The following CEP112 variants were observed in gnomAD, a reference collection of about 807,000 sequenced individuals.
CEP112 encodes the protein centrosomal protein 112.
In CEP112, 127 loss-of-function variants were observed where a neutral mutation model predicts 153.0. The observed-to-expected ratio is 0.83, with a 90% confidence interval of 0.72 to 0.96. The LOEUF (loss-of-function observed/expected upper bound fraction) is 0.96, where lower values mean the gene tolerates loss of function less well. Among genes scored for constraint, CEP112 ranks in the 40% least tolerant of loss-of-function variants. The pLI is 0.00. For missense variants in CEP112, 1,089 were observed against 1,101.2 expected (o/e 0.99, Z 0.16); for synonymous variants, 358 against 374.4 (o/e 0.96, Z 0.51).
chr17:65,663,626 A>T (rs2046517699), intron 24 of CEP112, among the ~76,000 whole-genome samples: 1 of 152,214 alleles, frequency 6.6e-6, no homozygotes, highest in South Asian at 2.1e-4. Context: ...AACCCAGCAC[A>T]GAACTAGACA....
intron 12 of CEP112, among the ~76,000 whole-genome samples, chr17:66,053,451 C>T (rs2066531038): frequency 6.6e-6 from 1 of 151,690 alleles, no homozygotes; most frequent in African/African-American, 2.4e-5. Flanking sequence ...CATGCCGTTG[C>T]ACTCCAGCCT....
Position 66,009,189 on chromosome 17 carries a change from T to TTGTGTGTGTGTG in CEP112, c.1657-3432_1657-3421dup, listed in dbSNP as rs34971943. Reference sequence around the variant, plus strand: ...ATCCTGGCCTACACTTGTTATCCCTTTGTGTGTGTGTGTGTGTGTGTGTGT... The same window carrying TTGTGTGTGTGTG: ...ATCCTGGCCTACACTTGTTATCCCTTTGTGTGTGTGTGTGTGTGTGTGTGTGTGTGTGTGTGT... On this transcript the variant is annotated intron_variant, in intron 16 of 26. Coordinates refer to ENST00000535342, the MANE Select transcript of CEP112 (RefSeq NM_001199165.4). 3.9e-3 allele frequency among the ~76,000 whole-genome samples: 575 copies of TTGTGTGTGTGTG among 146,932 alleles called. 4 individuals carry two copies. The highest frequency in any genetic ancestry group is 0.014 in the African/African-American group (540 of 39,258).
chr17:65,976,072 C>T (rs992149287), intron 17 of CEP112, among the ~76,000 whole-genome samples: 2 of 152,352 alleles, frequency 1.3e-5, no homozygotes, highest in Middle Eastern at 3.4e-3. Flanking sequence ...TCTTCACACA[C>T]ACTAATCACC....
At chr17:65,777,410 G>A (rs925117267) in intron 21 of CEP112, among the ~76,000 whole-genome samples, 1 of 152,136 alleles carries the variant, frequency 6.6e-6, no homozygotes, top group Non-Finnish European at 1.5e-5. Context: ...CATATTTCCT[G>A]ACCTTCTGTT....
intron 17 of CEP112, among the ~76,000 whole-genome samples, chr17:65,969,624 A>C (rs1303346582): frequency 6.6e-6 from 1 of 152,236 alleles, no homozygotes; most frequent in African/African-American, 2.4e-5. Flanking sequence ...TGCCGCATGC[A>C]CTGCACACAT....
intron 16 of CEP112, among the ~76,000 whole-genome samples, chr17:66,017,353 T>C (rs1450176448): frequency 6.6e-6 from 1 of 152,176 alleles, no homozygotes; most frequent in Non-Finnish European, 1.5e-5. Context: ...AATGAAATTA[T>C]CTGGGTGGGA....
intron 6 of CEP112, among the ~76,000 whole-genome samples, chr17:66,110,142 G>A (rs1230211188): frequency 6.6e-6 from 1 of 151,616 alleles, no homozygotes; most frequent in South Asian, 2.1e-4. Flanking sequence ...CCTGGGTGAC[G>A]AGCAAGACTC....
chr17:65,637,982 G>C (rs1033099515), intron 25 of CEP112, among the ~76,000 whole-genome samples: 3 of 152,188 alleles, frequency 2.0e-5, no homozygotes, highest in Admixed American at 2.0e-4. Flanking sequence ...GGCCAACTTT[G>C]GTTCAATTCC....
chr17:66,146,090 T>G (rs1708529184), intron 4 of CEP112, among the ~76,000 whole-genome samples: 1 of 152,110 alleles, frequency 6.6e-6, no homozygotes, highest in African/African-American at 2.4e-5. Context: ...TTGTAAGGTC[T>G]TTGTCTTCTT....
intron 20 of CEP112, among the ~76,000 whole-genome samples, chr17:65,881,865 C>G (rs913595428): frequency 6.6e-6 from 1 of 152,180 alleles, no homozygotes; most frequent in African/African-American, 2.4e-5. Context: ...TCAACATAAA[C>G]TTTGGAGGAG....
At chr17:65,959,037 G>A (rs567734402) in intron 18 of CEP112, among the ~76,000 whole-genome samples, 1 of 152,170 alleles carries the variant, frequency 6.6e-6, no homozygotes, top group African/African-American at 2.4e-5. Context: ...ACAACCAGCT[G>A]CAGAGAGGAG....
At chr17:65,875,354 T>C (rs909637403) in intron 20 of CEP112, among the ~76,000 whole-genome samples, 1 of 152,090 alleles carries the variant, frequency 6.6e-6, no homozygotes, top group African/African-American at 2.4e-5. Context: ...TCAAACCAAG[T>C]AGTATAGAAA....
intron 12 of CEP112, among the ~76,000 whole-genome samples, chr17:66,053,530 G>A (rs1391953314): frequency 3.9e-5 from 6 of 152,020 alleles, no homozygotes; most frequent in Admixed American, 3.9e-4. Context: ...ATAAAAAGCA[G>A]CATTAAACAC....
intron 12 of CEP112, among the ~76,000 whole-genome samples, chr17:66,038,100 C>CAAAAAAAAAAAAAAAAAA (rs5821553): frequency 9.5e-6 from 1 of 105,402 alleles, no homozygotes; most frequent in Non-Finnish European, 1.9e-5. Context: ...GACTCTGTCT[C>CAAAAAAAAAAAAAAAAAA]AAAAAAAAAA....
At chr17:65,822,343 C>G (rs1411084071) in intron 21 of CEP112, among the ~76,000 whole-genome samples, 1 of 152,002 alleles carries the variant, frequency 6.6e-6, no homozygotes, top group African/African-American at 2.4e-5. Flanking sequence ...TCCGGTGATA[C>G]CAAAATCCAA....
chr17:65,816,490 C>T (rs1230780883), intron 21 of CEP112, among the ~76,000 whole-genome samples: 1 of 151,894 alleles, frequency 6.6e-6, no homozygotes, highest in Admixed American at 6.6e-5. Flanking sequence ...ATTCTTATGC[C>T]ATCTGTTCTT....
intron 12 of CEP112, among the ~76,000 whole-genome samples, chr17:66,033,715 T>C (rs764978603): frequency 7.2e-5 from 11 of 152,244 alleles, no homozygotes; most frequent in Non-Finnish European, 1.5e-4. Flanking sequence ...TATATTTCTG[T>C]GGCCTCTTAC....
intron 12 of CEP112, among the ~76,000 whole-genome samples, chr17:66,038,110 A>AAAGAAAAAAAAAG (rs1555778644): frequency 8.3e-6 from 1 of 120,658 alleles, no homozygotes; most frequent in Non-Finnish European, 1.7e-5. Flanking sequence ...CAAAAAAAAA[A>AAAGAAAAAAAAAG]AAAAGAAAAG....
intron 21 of CEP112, among the ~76,000 whole-genome samples, chr17:65,811,862 C>G (rs1388808709): frequency 6.6e-6 from 1 of 151,988 alleles, no homozygotes; most frequent in African/African-American, 2.4e-5. Flanking sequence ...AACAGAATGC[C>G]TCATTTTTGG....
Sources: gnomAD v4.1 joint callset for allele counts (sites outside exome capture counted in the v4.1 genomes callset) on GRCh38, gnomAD v4.1.1 for gene constraint, MANE v1.5 for transcripts, NCBI Gene and HGNC (gene_info 2026-07-23, HGNC 2026-07-21) for gene names.